The following IFTAP variants were observed in gnomAD, a reference collection of about 807,000 sequenced individuals.
The protein encoded by IFTAP is intraflagellar transport associated protein, also known as intraflagellar transport-associated protein.
Under a neutral mutation model 19.4 loss-of-function variants are expected in IFTAP, and 19 were observed. The observed-to-expected ratio is 0.98, with a 90% confidence interval of 0.68 to 1.44. IFTAP has a LOEUF of 1.44. IFTAP is among the 40% of genes most tolerant of loss of function. The probability of loss-of-function intolerance (pLI) is 0.00; values close to 1 mark genes in which losing one functional copy is unlikely to be tolerated. For synonymous variants in IFTAP, 85 were observed against 83.5 expected, an observed-to-expected ratio of 1.02 and a Z score of -0.10; for missense variants, 240 against 253.6, an observed-to-expected ratio of 0.95 and a Z score of 0.36.
At chr11:36,607,163 C>T (rs766336151) in intron 1 of IFTAP, among the ~76,000 whole-genome samples, 4 of 152,176 alleles carry the variant, frequency 2.6e-5, no homozygotes, top group Non-Finnish European at 5.9e-5. Context: ...TAGGTAACAT[C>T]GCTGCCTTCA....
intron 1 of IFTAP, among the ~76,000 whole-genome samples, chr11:36,609,231 G>T (rs1032740053): frequency 6.6e-6 from 1 of 152,258 alleles, no homozygotes; most frequent in African/African-American, 2.4e-5. Flanking sequence ...ATTCTGAGCT[G>T]GGTTTTGAAA....
At chr11:36,600,346 G>A (rs1851461040) in intron 1 of IFTAP, among the ~76,000 whole-genome samples, 1 of 152,250 alleles carries the variant, frequency 6.6e-6, no homozygotes, top group Non-Finnish European at 1.5e-5. Flanking sequence ...TTCACAGCAG[G>A]AGGTGAGCCG....
intron 1 of IFTAP, among the ~76,000 whole-genome samples, chr11:36,600,455 A>G (rs1590730625): frequency 6.6e-6 from 1 of 152,204 alleles, no homozygotes; most frequent in East Asian, 1.9e-4. Flanking sequence ...TAAGCTGTGC[A>G]TGTGAGGGAG....
chr11:36,600,209 A>G (rs1388767338), intron 1 of IFTAP, among the ~76,000 whole-genome samples: 1 of 152,232 alleles, frequency 6.6e-6, no homozygotes, highest in Non-Finnish European at 1.5e-5. Context: ...TTTATTGAGC[A>G]TCTACTATGT....
intron 5 of IFTAP, among the ~76,000 whole-genome samples, chr11:36,649,097 A>G (rs1047869491): frequency 6.6e-6 from 1 of 152,064 alleles, no homozygotes; most frequent in African/African-American, 2.4e-5. Flanking sequence ...GCTCTTTATT[A>G]TTGCTTTCTA....
chr11:36,610,095 T>C lies in IFTAP; in HGVS notation c.-9T>C. 2 of 1,612,366 alleles carry C rather than the reference T, an allele frequency of 1.2e-6. No individual in the cohort carries two copies. Among genetic ancestry groups the C allele is most frequent in the Non-Finnish European group, 1.7e-6 (2 of 1,178,838 alleles). ...CTGTCTTGCAGATACTGTGGCCTCA[T>C]GAATAGGAATGTCTGCCCATATGTC... On this transcript the variant is annotated 5_prime_UTR_variant, in exon 2 of 6. The change abolishes an upstream ATG in the 5' untranslated region. Transcript: ENST00000334307.
intron 5 of IFTAP, among the ~76,000 whole-genome samples, chr11:36,651,686 G>A (rs1045782872): frequency 2.0e-5 from 3 of 152,188 alleles, no homozygotes; most frequent in African/African-American, 4.8e-5. Flanking sequence ...ATGGTTTTAG[G>A]TCTAACATTT....
Position 36,633,276 on chromosome 11 carries a change from T to C in IFTAP, c.137-8T>C. 6.5e-7 allele frequency: 1 copy of C among 1,527,396 alleles called. No homozygotes were observed. Among genetic ancestry groups the C allele is most frequent in the Non-Finnish European group, 8.8e-7 (1 of 1,142,606 alleles). The allele number at this position is 1,527,396 out of a possible 1,614,324, so 94.6% of individuals were successfully genotyped here. A position where few individuals can be genotyped will look rare whatever the true frequency, so the allele number is the denominator to read the frequency against. ...TGTTTTCTAATAGTGCATAACTTCT[T>C]ATTTCAGAGGATCATGTGTCCAAAA... is the stretch of plus-strand genomic sequence containing the variant. On this transcript the variant is annotated splice_region_variant and splice_polypyrimidine_tract_variant and intron_variant, in intron 2 of 5. Coordinates refer to ENST00000334307, the MANE Select transcript of IFTAP (RefSeq NM_138787.4).
chr11:36,607,289 G>T (rs138291880), intron 1 of IFTAP, among the ~76,000 whole-genome samples: 1 of 152,202 alleles, frequency 6.6e-6, no homozygotes, highest in Admixed American at 6.5e-5. Context: ...ATGCGTACTC[G>T]TTTAATTTTC....
intron 1 of IFTAP, among the ~76,000 whole-genome samples, chr11:36,602,946 A>T (rs1851562058): frequency 6.6e-6 from 1 of 152,176 alleles, no homozygotes; most frequent in African/African-American, 2.4e-5. Flanking sequence ...GTACACAGTT[A>T]ATCTGTTTTT....
At chr11:36,654,353 A>T (rs188765338) in intron 5 of IFTAP, among the ~76,000 whole-genome samples, 1,813 of 150,580 alleles carry the variant, frequency 0.012, 19 homozygotes, top group East Asian at 0.032. Context: ...TTTATTTTTT[A>T]TTATACTTTA....
chr11:36,608,045 C>A (rs1387194152), intron 1 of IFTAP, among the ~76,000 whole-genome samples: 1 of 152,170 alleles, frequency 6.6e-6, no homozygotes, highest in Non-Finnish European at 1.5e-5. Flanking sequence ...TGTGACTATA[C>A]AGCTATTTGA....
rs1295982872 is a variant in IFTAP, at chr11:36,594,526, A to C, written c.-90A>C. 1.0e-5 allele frequency: 3 copies of C among 293,638 alleles called. No homozygotes were observed. In the East Asian group the frequency reaches 2.4e-4, roughly 24 times the overall value. The allele number at this position is 293,638 out of a possible 1,614,324, so 18.2% of individuals were successfully genotyped here. A position where few individuals can be genotyped will look rare whatever the true frequency, so the allele number is the denominator to read the frequency against. On this transcript the variant is annotated 5_prime_UTR_variant, in exon 1 of 6. Coordinates refer to ENST00000334307, the MANE Select transcript of IFTAP (RefSeq NM_138787.4). ...TCTCTCTGGGATGTGTAGCTTTGGA[A>C]ATCTGTCTTTGTTGCTCTGGGAGAG...
At chr11:36,625,275 T>A (rs960904179) in intron 2 of IFTAP, among the ~76,000 whole-genome samples, 3 of 152,132 alleles carry the variant, frequency 2.0e-5, no homozygotes, top group Non-Finnish European at 4.4e-5. Context: ...TTTATTTATA[T>A]TTATATTACC....
chr11:36,617,579 G>T (rs926053373), intron 2 of IFTAP, among the ~76,000 whole-genome samples: 4 of 151,954 alleles, frequency 2.6e-5, no homozygotes, highest in African/African-American at 4.8e-5. Context: ...AAGGCAGTCT[G>T]TTAAAAAGCA....
rs10616172 is a variant in IFTAP at position 36,636,923 on chromosome 11, G to GT, written c.358+824dup. On this transcript the variant is annotated intron_variant, in intron 4 of 5. Transcript: ENST00000334307. ...TTTGAAATATGTTCAAAATCAGGAA[G>GT]TTTTTTTTTTTTTTTTTTAAACACT... Among the ~76,000 whole-genome samples the GT allele has an allele frequency of 7.7e-3, 1,053 of 136,344 alleles. 4 individuals carry two copies. Among genetic ancestry groups the GT allele is most frequent in the Middle Eastern group, 0.023 (6 of 258 alleles). 89.4% of individuals were successfully genotyped at this position (136,344 alleles called of 152,430 possible). A position where few individuals can be genotyped will look rare whatever the true frequency, so the allele number is the denominator to read the frequency against.
intron 5 of IFTAP, among the ~76,000 whole-genome samples, chr11:36,656,511 A>G (rs1853995403): frequency 1.3e-5 from 2 of 152,098 alleles, no homozygotes; most frequent in Admixed American, 1.3e-4. Flanking sequence ...CGGAGGTTGC[A>G]GTGAGCTGAG....
chr11:36,598,817 G>A (rs1048318144), intron 1 of IFTAP, among the ~76,000 whole-genome samples: 1 of 152,146 alleles, frequency 6.6e-6, no homozygotes, highest in Non-Finnish European at 1.5e-5. Context: ...TTCAGGTAGA[G>A]TCATCTTAAT....
intron 2 of IFTAP, among the ~76,000 whole-genome samples, chr11:36,624,929 G>A (rs1852452714): frequency 6.6e-6 from 1 of 152,108 alleles, no homozygotes; most frequent in African/African-American, 2.4e-5. Context: ...TGTTACTTTA[G>A]GTGTCTTTTT....
Sources: gnomAD v4.1 joint callset for allele counts (sites outside exome capture counted in the v4.1 genomes callset) on GRCh38, gnomAD v4.1.1 for gene constraint, MANE v1.5 for transcripts, NCBI Gene and HGNC (gene_info 2026-07-23, HGNC 2026-07-21) for gene names.